Variants in ZRANB3 observed in about 807,000 individuals in gnomAD.
ZRANB3 encodes zinc finger RANBP2-type containing 3, also known as DNA annealing helicase and endonuclease ZRANB3.
In ZRANB3, 125 loss-of-function variants were observed where a neutral mutation model predicts 133.8. That is an observed-to-expected ratio of 0.93 (90% CI 0.81 to 1.08). ZRANB3 has a LOEUF of 1.08. ZRANB3 is among the 50% of genes least tolerant of loss of function. The pLI, the probability that ZRANB3 is intolerant of heterozygous loss-of-function variation, is 0.00. For synonymous variants in ZRANB3, 387 were observed against 432.7 expected, an observed-to-expected ratio of 0.89 and a Z score of 1.31; for missense variants, 1,229 against 1,275.5, an observed-to-expected ratio of 0.96 and a Z score of 0.56.
At chr2:135,249,465 G>A (rs1171236290) in intron 12 of ZRANB3, among the ~76,000 whole-genome samples, 2 of 152,218 alleles carry the variant, frequency 1.3e-5, no homozygotes, top group East Asian at 1.9e-4. Flanking sequence ...TGGAGCTGGA[G>A]GCTATTATCC....
At chr2:135,293,422 T>C (rs931312816) in intron 8 of ZRANB3, among the ~76,000 whole-genome samples, 125 of 152,258 alleles carry the variant, frequency 8.2e-4, no homozygotes, top group African/African-American at 2.7e-3. Flanking sequence ...ATAAGAATGC[T>C]TGTGATTTTT....
intron 2 of ZRANB3, among the ~76,000 whole-genome samples, chr2:135,415,679 C>T (rs1241529856): frequency 2.6e-5 from 4 of 152,172 alleles, no homozygotes; most frequent in Non-Finnish European, 4.4e-5. Context: ...GACCAATATC[C>T]TTGATGAACA....
intron 2 of ZRANB3, among the ~76,000 whole-genome samples, chr2:135,444,020 T>C (rs1338243985): frequency 6.6e-6 from 1 of 151,856 alleles, no homozygotes; most frequent in Admixed American, 6.6e-5. Context: ...AACAAGCACA[T>C]GAAAAGCTGT....
chr2:135,465,072 A>T (rs1690924595), intron 2 of ZRANB3, among the ~76,000 whole-genome samples: 2 of 152,244 alleles, frequency 1.3e-5, no homozygotes, highest in South Asian at 4.1e-4. Flanking sequence ...GAAGTTGAGA[A>T]ATGAAATGGT....
intron 1 of ZRANB3, among the ~76,000 whole-genome samples, chr2:135,522,194 C>G (rs1256992048): frequency 6.6e-6 from 1 of 152,154 alleles, no homozygotes; most frequent in African/African-American, 2.4e-5. Flanking sequence ...ACAGAAACCG[C>G]CACTGCTATA....
At chr2:135,227,336 C>T (rs1168457827) in intron 14 of ZRANB3, among the ~76,000 whole-genome samples, 1 of 152,188 alleles carries the variant, frequency 6.6e-6, no homozygotes, top group Admixed American at 6.5e-5. Flanking sequence ...ATGATTCATA[C>T]AGTCTTGACA....
intron 2 of ZRANB3, among the ~76,000 whole-genome samples, chr2:135,498,763 AC>A (rs1692801120): frequency 6.6e-6 from 1 of 152,136 alleles, no homozygotes; most frequent in South Asian, 2.1e-4. Context: ...CGCTTTGGGA[AC>A]ATCTATCTTT....
intron 2 of ZRANB3, among the ~76,000 whole-genome samples, chr2:135,397,406 C>T (rs945986896): frequency 6.6e-6 from 1 of 150,928 alleles, no homozygotes; most frequent in Non-Finnish European, 1.5e-5. Flanking sequence ...CATGATCGTA[C>T]CACTGCACTT....
chr2:135,259,981 C>G (rs1679872937), intron 12 of ZRANB3, among the ~76,000 whole-genome samples: 1 of 152,056 alleles, frequency 6.6e-6, no homozygotes, highest in Admixed American at 6.6e-5. Flanking sequence ...AAGGGAAGGG[C>G]CCCAATTTCC....
chr2:135,216,656 C>G (rs1380036517), intron 17 of ZRANB3, among the ~76,000 whole-genome samples: 2 of 150,238 alleles, frequency 1.3e-5, no homozygotes, highest in African/African-American at 4.9e-5. Context: ...CCAGGCTGAT[C>G]ATTGAACTCC....
At chr2:135,288,834 T>G (rs1194128953) in intron 8 of ZRANB3, among the ~76,000 whole-genome samples, 1 of 151,970 alleles carries the variant, frequency 6.6e-6, no homozygotes, top group Admixed American at 6.6e-5. Flanking sequence ...CTATCAACTT[T>G]GTTTATATTT....
rs1429289454 is a variant in ZRANB3 at position 135,275,686 on chromosome 2, G to A, written c.1036C>T (p.His346Tyr). The A allele has an allele frequency of 6.2e-7, 1 of 1,608,312 alleles. No homozygotes were observed. The highest frequency in any genetic ancestry group is 8.5e-7 in the Non-Finnish European group (1 of 1,176,908). The change falls in exon 9 of 21, where the codon CAC (histidine) becomes TAC (tyrosine). Residue 346 changes from histidine to tyrosine, a missense_variant. Transcript: ENST00000264159. The stretch of plus-strand genomic sequence containing the variant: ...CAAGCTTGGAGCATGCTTAAATGGT[G>A]AGCAAAAACCAGAAATTTAAGCGAA... ...NDSLKFLVFA[H>Y]HLSMLQACTE...
At chr2:135,457,342 G>A (rs1690569667) in intron 2 of ZRANB3, among the ~76,000 whole-genome samples, 1 of 152,202 alleles carries the variant, frequency 6.6e-6, no homozygotes, top group Non-Finnish European at 1.5e-5. Flanking sequence ...GCTGGATTAT[G>A]TGGTAACTTT....
intron 2 of ZRANB3, among the ~76,000 whole-genome samples, chr2:135,456,806 T>C (rs1449076798): frequency 1.3e-5 from 2 of 152,226 alleles, no homozygotes; most frequent in African/African-American, 4.8e-5. Flanking sequence ...CTCTACTGAC[T>C]GCCTCTGGAT....
intron 6 of ZRANB3, among the ~76,000 whole-genome samples, chr2:135,325,620 C>A (rs1683775886): frequency 6.6e-6 from 1 of 152,156 alleles, no homozygotes. Context: ...CGGTCTTGAT[C>A]TCCTGACCTC....
Position 135,511,998 on chromosome 2 carries a change from G to A in ZRANB3, c.-7-7502C>T, listed in dbSNP as rs772298581. On this transcript the variant is annotated intron_variant, in intron 1 of 20. Transcript: ENST00000264159. ...AAGTCAAATATGTCCAAACCTGTGCGGCTGAGCTGGAGAGGAACTAACTCT... is the reference window on the plus strand; with the variant it reads ...AAGTCAAATATGTCCAAACCTGTGCAGCTGAGCTGGAGAGGAACTAACTCT... 483 of 664,894 alleles carry A rather than the reference G, an allele frequency of 7.3e-4. 1 individual carries two copies. Among genetic ancestry groups the A allele is most frequent in the Non-Finnish European group, 1.1e-3 (403 of 358,976 alleles). 41.2% of individuals were successfully genotyped at this position (664,894 alleles called of 1,614,324 possible).
At chr2:135,494,412 G>A (rs1181728436) in intron 2 of ZRANB3, among the ~76,000 whole-genome samples, 1 of 151,806 alleles carries the variant, frequency 6.6e-6, no homozygotes, top group Non-Finnish European at 1.5e-5. Flanking sequence ...CAGAAGGGGG[G>A]CTCTTCTTTA....
chr2:135,429,835 T>C (rs1689242683), intron 2 of ZRANB3, among the ~76,000 whole-genome samples: 2 of 152,202 alleles, frequency 1.3e-5, no homozygotes, highest in Non-Finnish European at 2.9e-5. Flanking sequence ...TGTAAAACTC[T>C]GATAAAAAAC....
chr2:135,481,390 T>C (rs530329488), intron 2 of ZRANB3, among the ~76,000 whole-genome samples: 1 of 152,146 alleles, frequency 6.6e-6, no homozygotes, highest in Non-Finnish European at 1.5e-5. Flanking sequence ...TTTTCATGTG[T>C]TTTTTGGCTA....
Sources: gnomAD v4.1 joint callset for allele counts (sites outside exome capture counted in the v4.1 genomes callset) on GRCh38, gnomAD v4.1.1 for gene constraint, MANE v1.5 for transcripts, NCBI Gene and HGNC (gene_info 2026-07-23, HGNC 2026-07-21) for gene names.